The following WASF3 variants were observed in gnomAD, a reference collection of about 807,000 sequenced individuals.
The protein encoded by WASF3 is actin-binding protein WASF3.
Under a neutral mutation model 46.6 loss-of-function variants are expected in WASF3, and 11 were observed. The ratio of observed to expected loss-of-function variants is 0.24; its 90% CI spans 0.15 to 0.39. WASF3 has a LOEUF of 0.39. Ranked by LOEUF, WASF3 falls within the 10% of genes least tolerant of loss-of-function variation. The pLI is 1.00. For synonymous variants in WASF3, 242 were observed against 259.7 expected, an observed-to-expected ratio of 0.93 and a Z score of 0.65; for missense variants, 576 against 669.8, an observed-to-expected ratio of 0.86 and a Z score of 1.55.
rs951727364 is a variant in WASF3, at chr13:26,647,970, A to T, written c.133+5567A>T. 3.4e-5 allele frequency among the ~76,000 whole-genome samples: 5 copies of T among 146,588 alleles called. 1 individual carries two copies. The highest frequency in any genetic ancestry group is 3.4e-4 in the Admixed American group (5 of 14,792). On this transcript the variant is annotated intron_variant, in intron 3 of 9. Transcript: ENST00000335327. ...CTGTACAGTAAACATCTGTATTCTT[A>T]TAAGACACATTTTTGAATAGCTGGA...
At position 26,681,252 on chromosome 13, in the gene WASF3, C is replaced by T; in HGVS notation, c.915C>T (p.Pro305=). 1.2e-6 allele frequency: 2 copies of T among 1,613,192 alleles called. No homozygotes were observed. The highest frequency in any genetic ancestry group is 1.7e-6 in the Non-Finnish European group (2 of 1,179,744). The change falls in exon 8 of 10, where the codon CCC becomes CCT. Residue 305 remains proline, a synonymous_variant. Coordinates refer to ENST00000335327, the MANE Select transcript of WASF3 (RefSeq NM_006646.6). ...CCCTCAACAGACCTCAGCAGCCGCC[C>T]CCCCCGCCTCCCCCTCAGGCCCCAG... ...HMALNRPQQP[P]PPPPPQAPEG...
At chr13:26,598,296 C>A (rs1238220263) in intron 1 of WASF3, among the ~76,000 whole-genome samples, 1 of 152,070 alleles carries the variant, frequency 6.6e-6, no homozygotes, top group Non-Finnish European at 1.5e-5. Flanking sequence ...ATCCTTTGCC[C>A]ACTTTTTGAT....
chr13:26,622,454 T>C (rs1415860842), intron 2 of WASF3, among the ~76,000 whole-genome samples: 3 of 152,216 alleles, frequency 2.0e-5, no homozygotes, highest in Non-Finnish European at 4.4e-5. Flanking sequence ...GTTGTGGGCT[T>C]CAGTTTATTT....
At chr13:26,685,121 C>T (rs1018130247) in intron 9 of WASF3, among the ~76,000 whole-genome samples, 7 of 151,546 alleles carry the variant, frequency 4.6e-5, no homozygotes, top group Non-Finnish European at 8.8e-5. Context: ...AACATTAAAT[C>T]ATCAAATATC....
intron 3 of WASF3, among the ~76,000 whole-genome samples, chr13:26,664,135 A>G (rs1882706230): frequency 6.6e-6 from 1 of 152,190 alleles, no homozygotes; most frequent in Admixed American, 6.5e-5. Context: ...ATAAAGCACC[A>G]TGGGAACTTT....
At chr13:26,598,894 G>A (rs899473938) in intron 1 of WASF3, among the ~76,000 whole-genome samples, 2 of 151,944 alleles carry the variant, frequency 1.3e-5, no homozygotes, top group Admixed American at 1.3e-4. Context: ...TTTTTGAGAC[G>A]GAGTCTCGCT....
At chr13:26,635,160 G>T (rs4384471) in intron 2 of WASF3, among the ~76,000 whole-genome samples, 2 of 151,494 alleles carry the variant, frequency 1.3e-5, no homozygotes, top group African/African-American at 4.9e-5. Flanking sequence ...ACATAGTCCC[G>T]TATTTCTTGG....
intron 3 of WASF3, among the ~76,000 whole-genome samples, chr13:26,659,540 G>A (rs897039019): frequency 6.6e-6 from 1 of 152,192 alleles, no homozygotes; most frequent in African/African-American, 2.4e-5. Context: ...GATGACTGGG[G>A]CTGCTCGGTT....
intron 1 of WASF3, among the ~76,000 whole-genome samples, chr13:26,604,931 G>A (rs1880748769): frequency 6.6e-6 from 1 of 152,152 alleles, no homozygotes; most frequent in South Asian, 2.1e-4. Flanking sequence ...TAAAACTTCT[G>A]GAATCCTGGT....
intron 2 of WASF3, chr13:26,639,727 A>C (rs1881936962): frequency 1.3e-5 from 2 of 152,302 alleles, no homozygotes; most frequent in African/African-American, 4.8e-5. Flanking sequence ...ATTAGGAGAC[A>C]ATTGCCATAG....
intron 1 of WASF3, among the ~76,000 whole-genome samples, chr13:26,607,672 C>T (rs947749953): frequency 2.6e-5 from 4 of 151,894 alleles, no homozygotes; most frequent in Non-Finnish European, 4.4e-5. Context: ...TGCTCTGTCG[C>T]CCAGACTGGA....
rs759210088 is a variant in WASF3 at position 26,664,870 on chromosome 13, T to C, written c.134-158T>C. On this transcript the variant is annotated intron_variant, in intron 3 of 9. Coordinates refer to ENST00000335327, the MANE Select transcript of WASF3 (RefSeq NM_006646.6). ...ATTTATATGAGTATCTCTAATAAAC[T>C]TCAAAAGTTCTAAAGGCCTTGGACT... Among the ~76,000 whole-genome samples, 34 of 152,240 alleles carry C rather than the reference T, an allele frequency of 2.2e-4. 2 individuals are homozygous for C. The highest frequency in any genetic ancestry group is 1.5e-4 in the Non-Finnish European group (10 of 68,042).
chr13:26,629,724 A>G (rs1247814099), intron 2 of WASF3, among the ~76,000 whole-genome samples: 1 of 152,092 alleles, frequency 6.6e-6, no homozygotes, highest in East Asian at 1.9e-4. Flanking sequence ...CTGTGGTTCT[A>G]CTGTGGTTCA....
intron 1 of WASF3, among the ~76,000 whole-genome samples, chr13:26,566,735 C>T (rs1402986181): frequency 6.6e-6 from 1 of 152,182 alleles, no homozygotes; most frequent in Non-Finnish European, 1.5e-5. Context: ...TGCTTCTCAT[C>T]CTACTAGCCG....
chr13:26,651,103 C>T (rs1375311635), intron 3 of WASF3, among the ~76,000 whole-genome samples: 1 of 152,190 alleles, frequency 6.6e-6, no homozygotes. Flanking sequence ...AGGTGGATTA[C>T]TTGAGGCCAG....
chr13:26,572,049 A>G (rs894981489), intron 1 of WASF3, among the ~76,000 whole-genome samples: 1 of 152,068 alleles, frequency 6.6e-6, no homozygotes. Flanking sequence ...ATATCTTGCT[A>G]CCTTGCTTAA....
chr13:26,599,343 C>T lies in WASF3; in HGVS notation c.-108-13618C>T, dbSNP rs539017145. Among the ~76,000 whole-genome samples, 15 of 152,126 alleles carry T rather than the reference C, an allele frequency of 9.9e-5. No individual in the cohort carries two copies. In the South Asian group the frequency reaches 1.5e-3, roughly 15 times the overall value. Reference sequence around the variant, plus strand: ...GATTACAGGTGCCTGCCACCAAGCCCGGCTAATTTTCTGTATTTTTTGTAG... The same window carrying T: ...GATTACAGGTGCCTGCCACCAAGCCTGGCTAATTTTCTGTATTTTTTGTAG... On this transcript the variant is annotated intron_variant, in intron 1 of 9. Coordinates refer to ENST00000335327, the MANE Select transcript of WASF3 (RefSeq NM_006646.6).
the WASF3 span, among the ~76,000 whole-genome samples, chr13:26,551,429 T>A: frequency 7.2e-5 from 11 of 152,168 alleles, no homozygotes; most frequent in African/African-American, 2.2e-4. Flanking sequence ...TGCTTGGATA[T>A]TAGTAGTTCC....
intron 1 of WASF3, among the ~76,000 whole-genome samples, chr13:26,596,112 C>CT (rs56150729): frequency 1.2e-4 from 13 of 105,370 alleles, no homozygotes; most frequent in African/African-American, 3.9e-4. Flanking sequence ...GTAAGTGATC[C>CT]TTTTTTTTTT....
Sources: gnomAD v4.1 joint callset for allele counts (sites outside exome capture counted in the v4.1 genomes callset) on GRCh38, gnomAD v4.1.1 for gene constraint, MANE v1.5 for transcripts, NCBI Gene and HGNC (gene_info 2026-07-23, HGNC 2026-07-21) for gene names.